The following RALYL variants were observed in gnomAD, a reference collection of about 807,000 sequenced individuals.
RALYL encodes the protein RALY RNA binding protein like.
A neutral mutation model predicts 35.1 loss-of-function variants in RALYL; 29 were observed. The ratio of observed to expected loss-of-function variants is 0.83; its 90% CI spans 0.61 to 1.13. The LOEUF is 1.13. RALYL is among the 50% of genes most tolerant of loss of function. The pLI, the probability that RALYL is intolerant of heterozygous loss-of-function variation, is 0.00. For synonymous variants in RALYL, 120 were observed against 127.6 expected (o/e 0.94, Z 0.40); for missense variants, 359 against 360.4 (o/e 1.00, Z 0.03).
chr8:84,807,006 G>A (rs1160150346), intron 4 of RALYL, among the ~76,000 whole-genome samples: 2 of 152,064 alleles, frequency 1.3e-5, no homozygotes, highest in Non-Finnish European at 2.9e-5. Flanking sequence ...GTGAGACCCT[G>A]TCTCAAAAAA....
chr8:84,684,206 CA>C (rs764316494), intron 2 of RALYL, among the ~76,000 whole-genome samples: 1 of 152,016 alleles, frequency 6.6e-6, no homozygotes, highest in African/African-American at 2.4e-5. Flanking sequence ...AACCACTTCA[CA>C]AAAAAGACTT....
At chr8:84,883,638 G>T (rs1453189095) in intron 7 of RALYL, among the ~76,000 whole-genome samples, 1 of 151,948 alleles carries the variant, frequency 6.6e-6, no homozygotes, top group African/African-American at 2.4e-5. Flanking sequence ...GGGTATTATG[G>T]GAGCTACAAT....
intron 1 of RALYL, among the ~76,000 whole-genome samples, chr8:84,506,706 A>G (rs1485276993): frequency 6.6e-6 from 1 of 151,982 alleles, no homozygotes; most frequent in East Asian, 1.9e-4. Flanking sequence ...ATTATTTAGC[A>G]TATTAAGAAA....
chr8:84,636,149 A>G (rs1281579852), intron 2 of RALYL, among the ~76,000 whole-genome samples: 1 of 151,768 alleles, frequency 6.6e-6, no homozygotes, highest in Non-Finnish European at 1.5e-5. Context: ...AGAATTTTCT[A>G]ATTACCAGGA....
chr8:84,770,470 T>A (rs1815186358), intron 2 of RALYL, among the ~76,000 whole-genome samples: 2 of 152,084 alleles, frequency 1.3e-5, no homozygotes, highest in Admixed American at 1.3e-4. Flanking sequence ...TTGGGCTCGT[T>A]CCATATTTTT....
intron 1 of RALYL, among the ~76,000 whole-genome samples, chr8:84,289,607 A>G (rs1838363829): frequency 6.6e-6 from 1 of 152,136 alleles, no homozygotes; most frequent in Non-Finnish European, 1.5e-5. Flanking sequence ...TGCCAACATG[A>G]GATTGTTAAA....
intron 1 of RALYL, among the ~76,000 whole-genome samples, chr8:84,283,002 T>C (rs1836903391): frequency 6.6e-6 from 1 of 151,882 alleles, no homozygotes; most frequent in Non-Finnish European, 1.5e-5. Context: ...GGAAATATAG[T>C]AAACAATAAT....
intron 1 of RALYL, among the ~76,000 whole-genome samples, chr8:84,486,881 T>C (rs1374704103): frequency 6.6e-6 from 1 of 152,086 alleles, no homozygotes; most frequent in Admixed American, 6.6e-5. Context: ...TCTACAGAAT[T>C]GTTAATTATA....
chr8:84,681,110 C>A (rs1315019483), intron 2 of RALYL, among the ~76,000 whole-genome samples: 1 of 152,142 alleles, frequency 6.6e-6, no homozygotes, highest in African/African-American at 2.4e-5. Flanking sequence ...AATAGGGAAT[C>A]CTTTCCCCAT....
intron 2 of RALYL, among the ~76,000 whole-genome samples, chr8:84,676,798 A>G (rs920128920): frequency 6.9e-6 from 1 of 144,246 alleles, no homozygotes; most frequent in Non-Finnish European, 1.5e-5. Context: ...TTACATATTA[A>G]AAGATTTTTT....
chr8:84,263,058 C>T (rs1832616200), intron 1 of RALYL, among the ~76,000 whole-genome samples: 1 of 152,132 alleles, frequency 6.6e-6, no homozygotes, highest in African/African-American at 2.4e-5. Flanking sequence ...ACTATCCTGA[C>T]TTCTCCAAAA....
intron 3 of RALYL, among the ~76,000 whole-genome samples, chr8:84,784,382 T>C (rs1818885782): frequency 1.3e-5 from 2 of 152,164 alleles, no homozygotes; most frequent in Admixed American, 1.3e-4. Flanking sequence ...CAAACAGCCC[T>C]TTTTCCTCGG....
intron 2 of RALYL, among the ~76,000 whole-genome samples, chr8:84,638,931 A>G (rs1825709746): frequency 2.9e-5 from 3 of 102,770 alleles, no homozygotes; most frequent in South Asian, 3.2e-4. Context: ...TTCTCTCACA[A>G]TATAACCCAT....
chr8:84,333,767 A>AT (rs1847263782), intron 1 of RALYL, among the ~76,000 whole-genome samples: 1 of 152,188 alleles, frequency 6.6e-6, no homozygotes, highest in Admixed American at 6.5e-5. Context: ...CAATTGTTGC[A>AT]TATTTCCAGA....
chr8:84,436,507 C>A (rs2047725440), intron 1 of RALYL, among the ~76,000 whole-genome samples: 1 of 145,070 alleles, frequency 6.9e-6, no homozygotes. Flanking sequence ...TTCGCAGAGG[C>A]ACTAAAAAGA....
intron 2 of RALYL, among the ~76,000 whole-genome samples, chr8:84,760,286 T>C (rs2133354897): frequency 6.6e-6 from 1 of 152,192 alleles, no homozygotes; most frequent in East Asian, 1.9e-4. Context: ...AGCATGGTGG[T>C]AAAAATAATG....
intron 1 of RALYL, among the ~76,000 whole-genome samples, chr8:84,228,154 CAAAAAAAAAAAA>C (rs57543989): frequency 1.2e-4 from 15 of 123,796 alleles, no homozygotes; most frequent in Non-Finnish European, 2.3e-4. Flanking sequence ...AATAGTCTAG[CAAAAAAAAAAAA>C]AAAAAAAAAA....
intron 2 of RALYL, chr8:84,678,999 T>C: frequency 3.1e-6 from 1 of 326,470 alleles, no homozygotes; most frequent in Non-Finnish European, 6.1e-6. Context: ...TGTTAAAGAG[T>C]CTGACACTAG....
At chr8:84,641,104 T>C (rs1826210256) in intron 2 of RALYL, among the ~76,000 whole-genome samples, 1 of 151,456 alleles carries the variant, frequency 6.6e-6, no homozygotes, top group South Asian at 2.1e-4. Context: ...ATAAACTCTT[T>C]TTTCATATAA....
Sources: allele counts gnomAD v4.1 joint callset (sites outside exome capture counted in the v4.1 genomes callset), GRCh38; gene constraint gnomAD v4.1.1; transcripts MANE v1.5; gene names NCBI Gene and HGNC (gene_info 2026-07-23, HGNC 2026-07-21).